PAK4: variants seen among roughly 807,000 people sequenced by gnomAD.
PAK4 encodes the protein serine/threonine-protein kinase PAK 4.
Under a neutral mutation model 53.5 loss-of-function variants are expected in PAK4, and 49 were observed. The ratio of observed to expected loss-of-function variants is 0.92; its 90% CI spans 0.73 to 1.16. The LOEUF (loss-of-function observed/expected upper bound fraction) is 1.16. PAK4 is among the 50% of genes most tolerant of loss of function. The pLI, the probability that PAK4 is intolerant of heterozygous loss-of-function variation, is 0.00. For synonymous variants in PAK4, 376 were observed against 375.6 expected, an observed-to-expected ratio of 1.00 and a Z score of -0.01; for missense variants, 824 against 850.7, an observed-to-expected ratio of 0.97 and a Z score of 0.39.
At chr19:39,126,147 C>A (rs1032191732) in intron 1 of PAK4, among the ~76,000 whole-genome samples, 1 of 151,784 alleles carries the variant, frequency 6.6e-6, no homozygotes, top group Non-Finnish European at 1.5e-5. Context: ...GTTTGAAATT[C>A]GAAGTGGGGG....
Position 39,130,142 on chromosome 19 carries a change from C to T in PAK4, c.-23+4223C>T, listed in dbSNP as rs1228566671. On this transcript the variant is annotated intron_variant, in intron 1 of 8. Transcript: ENST00000358301. ...GGGCGGGATGTGGGGGGGACCCAGG[C>T]AGAGGGGTCAGGGTGGGGTGGTGGG... is the stretch of plus-strand genomic sequence containing the variant. Among the ~76,000 whole-genome samples, 20 of 128,762 alleles carry T rather than the reference C, an allele frequency of 1.6e-4. No homozygotes were observed. In the South Asian group the frequency reaches 4.9e-3, roughly 32 times the overall value. 84.5% of individuals were successfully genotyped at this position (128,762 alleles called of 152,430 possible).
chr19:39,164,227 A>G (rs569880031), intron 1 of PAK4, among the ~76,000 whole-genome samples: 36 of 151,668 alleles, frequency 2.4e-4, no homozygotes, highest in African/African-American at 8.2e-4. Flanking sequence ...CAGTGAGCCA[A>G]GATCATGCCA....
chr19:39,145,791 G>A (rs2073989443), intron 1 of PAK4, among the ~76,000 whole-genome samples: 2 of 152,104 alleles, frequency 1.3e-5, no homozygotes, highest in African/African-American at 2.4e-5. Context: ...CTCCCCCTGC[G>A]CCCGCCCACT....
intron 1 of PAK4, among the ~76,000 whole-genome samples, chr19:39,146,472 A>G (rs2074000791): frequency 6.6e-6 from 1 of 152,214 alleles, no homozygotes; most frequent in Non-Finnish European, 1.5e-5. Flanking sequence ...TGGCATTTTA[A>G]ATAAACCATT....
intron 1 of PAK4, among the ~76,000 whole-genome samples, chr19:39,148,396 T>TGGATTGTG (rs761292863): frequency 1.3e-4 from 19 of 151,608 alleles, no homozygotes; most frequent in Non-Finnish European, 2.8e-4. Flanking sequence ...TTTTCTTTTA[T>TGGATTGTG]GGATTGTGCA....
intron 1 of PAK4, among the ~76,000 whole-genome samples, chr19:39,169,066 G>A (rs536065590): frequency 3.3e-4 from 51 of 152,258 alleles, no homozygotes; most frequent in African/African-American, 1.2e-3. Flanking sequence ...CATGAGTTCC[G>A]GGCTGTGACT....
intron 1 of PAK4, among the ~76,000 whole-genome samples, chr19:39,130,191 G>A (rs973088692): frequency 3.3e-5 from 5 of 150,838 alleles, no homozygotes; most frequent in Non-Finnish European, 7.4e-5. Context: ...GGTCATGGCG[G>A]GATGGGAGCG....
chr19:39,173,847 T>C lies in PAK4; in HGVS notation c.935T>C (p.Val312Ala). The change falls in exon 4 of 9, where the codon GTG becomes GCG. Residue 312 changes from valine to alanine, a missense_variant. Transcript: ENST00000358301. This position sits in a 1 kb window ranked among gnomAD's most constrained non-coding sequence, Gnocchi z 6.9. ...TTCCGGGCTGCCCTGCAGCTGGTGGTGGACCCAGGCGACCCCCGCTCCTAC... is the reference window on the plus strand; with the variant it reads ...TTCCGGGCTGCCCTGCAGCTGGTGGCGGACCCAGGCGACCCCCGCTCCTAC... 4 of 1,612,504 alleles carry C rather than the reference T, an allele frequency of 2.5e-6. No homozygotes were observed. The highest frequency in any genetic ancestry group is 3.4e-6 in the Non-Finnish European group (4 of 1,179,754).
intron 1 of PAK4, chr19:39,156,913 T>C (rs1600361746): frequency 6.6e-6 from 1 of 151,644 alleles, no homozygotes; most frequent in Non-Finnish European, 1.5e-5. Flanking sequence ...GGAAGGAGGG[T>C]CTGCCCCTGG....
At chr19:39,158,605 C>T (rs1192956452) in intron 1 of PAK4, among the ~76,000 whole-genome samples, 1 of 152,226 alleles carries the variant, frequency 6.6e-6, no homozygotes, top group Non-Finnish European at 1.5e-5. Context: ...TGTCTGTGCC[C>T]TTTTGTGCTG....
chr19:39,176,363 G>A, intron 6 of PAK4: 1 of 590,004 alleles, frequency 1.7e-6, no homozygotes, highest in South Asian at 1.9e-5. Flanking sequence ...TGTCAGGGAG[G>A]GAAATGGGGG....
chr19:39,166,451 T>C (rs1418669229), intron 1 of PAK4, among the ~76,000 whole-genome samples: 2 of 152,104 alleles, frequency 1.3e-5, no homozygotes, highest in African/African-American at 4.8e-5. Flanking sequence ...TTAAAATAAA[T>C]AAATAAATAC....
Position 39,175,299 on chromosome 19 carries a change from C to G in PAK4, c.1233-13C>G. 1 of 1,565,394 alleles carries G rather than the reference C, an allele frequency of 6.4e-7. No homozygotes were observed. Among genetic ancestry groups the G allele is most frequent in the East Asian group, 2.3e-5 (1 of 42,628 alleles). ...TGTCCAGCTGGCTGCTCACCCCCCACCCCACCCCGCAGGATGAACGAGGAG... is the reference window on the plus strand; with the variant it reads ...TGTCCAGCTGGCTGCTCACCCCCCAGCCCACCCCGCAGGATGAACGAGGAG... On this transcript the variant is annotated splice_polypyrimidine_tract_variant and intron_variant, in intron 5 of 8. Transcript: ENST00000358301. This position sits in a 1 kb window ranked among gnomAD's most constrained non-coding sequence, Gnocchi z 4.7.
chr19:39,162,369 C>T (rs1462276372), intron 1 of PAK4, among the ~76,000 whole-genome samples: 2 of 152,212 alleles, frequency 1.3e-5, no homozygotes, highest in African/African-American at 4.8e-5. Flanking sequence ...GATTCTCCCG[C>T]CTCAGCCTCC....
chr19:39,148,327 T>C (rs562387127), intron 1 of PAK4, among the ~76,000 whole-genome samples: 2 of 152,164 alleles, frequency 1.3e-5, no homozygotes, highest in African/African-American at 4.8e-5. Context: ...GTAGCATGTC[T>C]TTTAATACTT....
At position 39,173,720 on chromosome 19, in the gene PAK4, C is replaced by A; in HGVS notation, c.808C>A (p.Gln270Lys). The change falls in exon 4 of 9, where the codon CAG becomes AAG. Residue 270 changes from glutamine to lysine, a missense_variant. Coordinates refer to ENST00000358301, the Ensembl canonical transcript of PAK4. The surrounding 1 kb of genome is among the most constrained non-coding windows in gnomAD (Gnocchi z 6.9). ...GCTGGGACCCCACGCCTCAGAGCCC[C>A]AGCTGGCCCCTCCAGCCTGCACCCC... 3 of 1,577,970 alleles carry A rather than the reference C, an allele frequency of 1.9e-6. No individual in the cohort carries two copies. Among genetic ancestry groups the A allele is most frequent in the Non-Finnish European group, 2.6e-6 (3 of 1,164,692 alleles).
chr19:39,177,863 C>G (rs1423905902), intron 8 of PAK4, 54 bp downstream of exon 9: 1 of 1,567,758 alleles, frequency 6.4e-7, no homozygotes. Context: ...TGGCAGGGCT[C>G]CAGGTGGAGC....
chr19:39,164,406 G>A (rs774605320), intron 1 of PAK4, among the ~76,000 whole-genome samples: 15 of 152,150 alleles, frequency 9.9e-5, no homozygotes, highest in Non-Finnish European at 1.9e-4. Context: ...GGGCTTGTGA[G>A]CACAGGCGGG....
intron 1 of PAK4, among the ~76,000 whole-genome samples, chr19:39,155,631 A>T (rs1047583436): frequency 2.0e-5 from 3 of 151,894 alleles, no homozygotes; most frequent in Non-Finnish European, 2.9e-5. Context: ...AAGGGGAGGG[A>T]GGGGTGCTGT....
Sources: allele counts gnomAD v4.1 joint callset (sites outside exome capture counted in the v4.1 genomes callset), GRCh38; gene constraint gnomAD v4.1.1; non-coding constraint Gnocchi (gnomAD v3.1); transcripts MANE v1.5; gene names NCBI Gene and HGNC (gene_info 2026-07-23, HGNC 2026-07-21).